Variants in TEK observed in about 807,000 individuals in gnomAD.
TEK encodes TEK receptor tyrosine kinase.
In TEK, 43 loss-of-function variants were observed where a neutral mutation model predicts 131.8. The observed-to-expected ratio is 0.33, with a 90% CI of 0.26 to 0.42. The LOEUF (loss-of-function observed/expected upper bound fraction) is 0.42, where lower values mean the gene tolerates loss of function less well. Among genes scored for constraint, TEK ranks in the 10% least tolerant of loss-of-function variants. The pLI, the probability that TEK is intolerant of heterozygous loss-of-function variation, is 1.00. For missense variants in TEK, 1,162 were observed against 1,384.4 expected (o/e 0.84, Z 2.55); for synonymous variants, 580 against 491.6 (o/e 1.18, Z -2.38).
rs534511688 is a variant in TEK at position 27,163,850 on chromosome 9, T to A, written c.365-4645T>A. 3.3e-5 allele frequency among the ~76,000 whole-genome samples: 5 copies of A among 152,354 alleles called. No individual in the cohort carries two copies. The South Asian group carries it at 1.0e-3, about 32-fold the overall frequency. ...AACAATTAAATTGAAAGGAGATGAC[T>A]GAAATTGAGCTCACTTGTTTTTCAT... is the stretch of plus-strand genomic sequence containing the variant. On this transcript the variant is annotated intron_variant, in intron 2 of 22. Transcript: ENST00000380036.
intron 8 of TEK, 64 bp from the exon 9 acceptor site, chr9:27,185,421 G>A: frequency 6.3e-7 from 1 of 1,586,340 alleles, no homozygotes; most frequent in African/African-American, 1.3e-5. Context: ...TGGGGTCAAT[G>A]TTATGGACCT....
chr9:27,176,657 T>C (rs1230932118), intron 6 of TEK, among the ~76,000 whole-genome samples: 1 of 152,248 alleles, frequency 6.6e-6, no homozygotes, highest in East Asian at 1.9e-4. Context: ...CTAATTAACA[T>C]ATCCATCACC....
chr9:27,119,848 T>G lies in TEK; in HGVS notation c.52+10206T>G, dbSNP rs143444075. ...GAATCTGCCTCACTTGTGACTAAGCTTGTTGCATTTTTGGACCCATCCTGG... is the reference window on the plus strand; with the variant it reads ...GAATCTGCCTCACTTGTGACTAAGCGTGTTGCATTTTTGGACCCATCCTGG... On this transcript the variant is annotated intron_variant, in intron 1 of 22. Coordinates refer to ENST00000380036, the MANE Select transcript of TEK (RefSeq NM_000459.5). Among the ~76,000 whole-genome samples the G allele has an allele frequency of 3.5e-3, 531 of 152,142 alleles. 5 individuals carry two copies. The highest frequency in any genetic ancestry group is 0.012 in the African/African-American group (509 of 41,500).
intron 1 of TEK, among the ~76,000 whole-genome samples, chr9:27,125,819 G>C (rs1293326883): frequency 6.6e-6 from 1 of 152,046 alleles, no homozygotes; most frequent in Non-Finnish European, 1.5e-5. Flanking sequence ...CTGCCTCCAA[G>C]AATCTGTATA....
intron 18 of TEK, among the ~76,000 whole-genome samples, chr9:27,216,792 TCC>T (rs1825834581): frequency 6.6e-6 from 1 of 151,944 alleles, no homozygotes; most frequent in Non-Finnish European, 1.5e-5. Context: ...CTGAGAAAGG[TCC>T]CTCAAGTGCT....
At chr9:27,152,738 C>T (rs1307025020) in intron 1 of TEK, among the ~76,000 whole-genome samples, 4 of 152,100 alleles carry the variant, frequency 2.6e-5, no homozygotes, top group Admixed American at 6.5e-5. Context: ...TGAGAAATTA[C>T]AGTTTCTTTA....
intron 15 of TEK, among the ~76,000 whole-genome samples, chr9:27,207,023 T>A (rs1825422942): frequency 6.6e-6 from 1 of 152,222 alleles, no homozygotes; most frequent in Non-Finnish European, 1.5e-5. Flanking sequence ...TGGGATGAGA[T>A]ACTATAGATT....
At chr9:27,138,164 G>C (rs7023591) in intron 1 of TEK, among the ~76,000 whole-genome samples, 1 of 152,220 alleles carries the variant, frequency 6.6e-6, no homozygotes, top group Non-Finnish European at 1.5e-5. Flanking sequence ...CAGACCCAAA[G>C]AGTGAGCAGC....
intron 18 of TEK, 115 bp downstream of exon 18, chr9:27,213,712 C>T (rs1043094533): frequency 3.8e-6 from 3 of 785,766 alleles, no homozygotes; most frequent in African/African-American, 1.7e-5. Context: ...GACTGTATGT[C>T]CCAGTAGATA....
chr9:27,190,870 C>T (rs1485832024), intron 10 of TEK, among the ~76,000 whole-genome samples, 180 bp downstream of exon 10: 1 of 152,166 alleles, frequency 6.6e-6, no homozygotes, highest in East Asian at 1.9e-4. Flanking sequence ...AGCTCTGGGG[C>T]TAACTTTCTG....
intron 1 of TEK, among the ~76,000 whole-genome samples, chr9:27,154,808 G>C (rs1000463239): frequency 6.6e-6 from 1 of 152,226 alleles, no homozygotes; most frequent in South Asian, 2.1e-4. Flanking sequence ...CAAGGGTAGC[G>C]AAGTATAGTC....
chr9:27,172,550 T>G (rs1823996532), intron 4 of TEK, 66 bp from the exon 5 acceptor site: 1 of 1,599,268 alleles, frequency 6.3e-7, no homozygotes, highest in Non-Finnish European at 8.5e-7. Flanking sequence ...ACACAGTAGG[T>G]GCTCAATAAA....
intron 1 of TEK, among the ~76,000 whole-genome samples, chr9:27,140,579 G>C (rs567007221): frequency 1.1e-4 from 17 of 151,972 alleles, no homozygotes; most frequent in African/African-American, 4.1e-4. Flanking sequence ...CCTATAGAAT[G>C]TGTTGCTCCA....
intron 4 of TEK, among the ~76,000 whole-genome samples, chr9:27,172,082 T>C (rs1037367959): frequency 1.3e-5 from 2 of 152,198 alleles, no homozygotes; most frequent in African/African-American, 4.8e-5. Flanking sequence ...CTGACACCAA[T>C]GTGCACAGAT....
chr9:27,183,474 C>T lies in TEK; in HGVS notation c.1046C>T (p.Thr349Ile). The change falls in exon 8 of 23, where the codon ACC (threonine) becomes ATC (isoleucine). Residue 349 changes from threonine to isoleucine, a missense_variant. Around this residue, in one of 6 missense-constraint regions of TEK, gnomAD observed 436 missense variants for 539.1 expected, o/e 0.81. Transcript: ENST00000380036. ...CTTCCTTCAGGCATACAGAGGATGA[C>T]CCCAAAGATAGTGGATTTGCCAGAT... ...QCEREGIQRM[T>I]PKIVDLPDHI... The T allele has an allele frequency of 1.2e-6, 2 of 1,613,774 alleles. No homozygotes were observed. Among genetic ancestry groups the T allele is most frequent in the Non-Finnish European group, 1.7e-6 (2 of 1,179,760 alleles).
intron 18 of TEK, 56 bp downstream of exon 18, chr9:27,213,653 C>G: frequency 7.6e-7 from 1 of 1,321,850 alleles, no homozygotes; most frequent in Non-Finnish European, 1.1e-6. Flanking sequence ...CCCCTGTCTC[C>G]TGATGTTGCT....
rs71492736 is a variant in TEK at position 27,158,660 on chromosome 9, C to CT, written c.364+533dup. Among the ~76,000 whole-genome samples, 487 of 136,388 alleles carry CT rather than the reference C, an allele frequency of 3.6e-3. 2 individuals are homozygous for CT. The highest frequency in any genetic ancestry group is 4.9e-3 in the African/African-American group (182 of 37,170). The allele number at this position is 136,388 out of a possible 152,430, so 89.5% of individuals were successfully genotyped here. A position where few individuals can be genotyped will look rare whatever the true frequency, so the allele number is the denominator to read the frequency against. On this transcript the variant is annotated intron_variant, in intron 2 of 22. Transcript: ENST00000380036. ...TATTTGGTATATCAACTTTCTTTTC[C>CT]TTTTTTTTTTTTTTTGGGGGGGTGG...
At chr9:27,150,304 C>T (rs1245225160) in intron 1 of TEK, among the ~76,000 whole-genome samples, 4 of 152,106 alleles carry the variant, frequency 2.6e-5, no homozygotes, top group African/African-American at 9.7e-5. Context: ...CTCAGATTGC[C>T]TGTTATAAAG....
At chr9:27,152,981 C>G (rs1480642451) in intron 1 of TEK, among the ~76,000 whole-genome samples, 2 of 152,092 alleles carry the variant, frequency 1.3e-5, no homozygotes, top group African/African-American at 2.4e-5. Context: ...TGAGAAGACG[C>G]TACTAAGAAA....
Sources: gnomAD v4.1 joint callset for allele counts (sites outside exome capture counted in the v4.1 genomes callset) on GRCh38, gnomAD v4.1.1 for gene constraint, gnomAD v4.1.1 regional missense constraint, MANE v1.5 for transcripts, NCBI Gene and HGNC (gene_info 2026-07-23, HGNC 2026-07-21) for gene names.